Variants in RIMBP2 observed in about 807,000 individuals in gnomAD.
The protein encoded by RIMBP2 is RIMS binding protein 2.
RIMBP2 carries 48 observed loss-of-function variants against 118.6 expected under a neutral mutation model. The ratio of observed to expected loss-of-function variants is 0.40; its 90% CI spans 0.32 to 0.51. The LOEUF (loss-of-function observed/expected upper bound fraction) is 0.51. Ranked by LOEUF, RIMBP2 falls within the 20% of genes least tolerant of loss-of-function variation. The pLI is 0.41. For synonymous variants in RIMBP2, 762 were observed against 742.9 expected (o/e 1.03, Z -0.42); for missense variants, 1,551 against 1,768.3 (o/e 0.88, Z 2.20).
chr12:130,502,299 G>C (rs952394151), intron 4 of RIMBP2, among the ~76,000 whole-genome samples: 1 of 152,144 alleles, frequency 6.6e-6, no homozygotes, highest in African/African-American at 2.4e-5. Flanking sequence ...CCCAGGCTTC[G>C]GGACGGTTTG....
chr12:130,458,104 A>T (rs1246681936), intron 6 of RIMBP2, among the ~76,000 whole-genome samples: 1 of 94,704 alleles, frequency 1.1e-5, no homozygotes, highest in Non-Finnish European at 2.0e-5. Context: ...CTCTTCATCC[A>T]TCCTCTCCCC....
At chr12:130,564,603 C>T (rs1047481154) in intron 2 of RIMBP2, among the ~76,000 whole-genome samples, 1 of 152,202 alleles carries the variant, frequency 6.6e-6, no homozygotes, top group African/African-American at 2.4e-5. Flanking sequence ...CCACTTGCAA[C>T]AGCGTGGATA....
intron 21 of RIMBP2, among the ~76,000 whole-genome samples, 157 bp from the exon 22 acceptor site, chr12:130,399,970 A>G (rs2074374337): frequency 6.6e-6 from 1 of 152,208 alleles, no homozygotes; most frequent in Non-Finnish European, 1.5e-5. Context: ...CAGGGTTTCC[A>G]AATTTTCCTC....
intron 1 of RIMBP2, among the ~76,000 whole-genome samples, chr12:130,695,956 C>G (rs541521301): frequency 6.6e-6 from 1 of 151,778 alleles, no homozygotes; most frequent in Non-Finnish European, 1.5e-5. Flanking sequence ...AATGAAGACC[C>G]CTGGAGGAGG....
chr12:130,497,764 T>C (rs2049329093), intron 4 of RIMBP2, among the ~76,000 whole-genome samples: 1 of 152,244 alleles, frequency 6.6e-6, no homozygotes, highest in Admixed American at 6.5e-5. Flanking sequence ...TTGTTTATTT[T>C]ATCACAATGC....
intron 2 of RIMBP2, among the ~76,000 whole-genome samples, chr12:130,563,353 T>C (rs2056963859): frequency 6.6e-6 from 1 of 152,224 alleles, no homozygotes; most frequent in Non-Finnish European, 1.5e-5. Context: ...AACCTGAGCA[T>C]GAGAAGGCTA....
intron 2 of RIMBP2, among the ~76,000 whole-genome samples, chr12:130,619,946 T>C (rs7964720): frequency 0.94 from 142,982 of 152,248 alleles, 67,808 homozygotes; most frequent in East Asian, 1. Context: ...TGGTGCTCTG[T>C]GCCAGGAAGA....
chr12:130,638,737 C>T (rs768479824), intron 1 of RIMBP2, among the ~76,000 whole-genome samples: 24 of 150,994 alleles, frequency 1.6e-4, no homozygotes, highest in African/African-American at 2.2e-4. Context: ...TAGTACATTG[C>T]GGAAAAGGCA....
intron 4 of RIMBP2, among the ~76,000 whole-genome samples, chr12:130,504,223 C>T (rs1180632710): frequency 6.6e-6 from 1 of 152,162 alleles, no homozygotes; most frequent in African/African-American, 2.4e-5. Flanking sequence ...GGCCCGGTCA[C>T]CAGGCTCTTC....
intron 4 of RIMBP2, among the ~76,000 whole-genome samples, chr12:130,481,563 TG>T (rs1019858854): frequency 2.0e-5 from 3 of 152,170 alleles, no homozygotes; most frequent in African/African-American, 4.8e-5. Flanking sequence ...CACAGACATC[TG>T]GGGGTTTCAC....
At chr12:130,644,593 A>T (rs187845023) in intron 1 of RIMBP2, among the ~76,000 whole-genome samples, 35 of 152,344 alleles carry the variant, frequency 2.3e-4, no homozygotes, top group African/African-American at 8.4e-4. Flanking sequence ...ACCTGCGTCT[A>T]AGCCCAGTGT....
At position 130,399,738 on chromosome 12, in the gene RIMBP2, G is replaced by A; in HGVS notation, c.3841C>T (p.Leu1281Phe). Reference protein sequence around the residue: ...EEVPDDVEVYLSDAPSHYSQD... With the variant: ...EEVPDDVEVYFSDAPSHYSQD... Reference sequence around the variant, plus strand: ...GAGTAGTGGGATGGAGCATCAGAAAGATAGACTTCTACGTCATCAGGCACT... The same window carrying A: ...GAGTAGTGGGATGGAGCATCAGAAAAATAGACTTCTACGTCATCAGGCACT... Residue 1281 changes from leucine to phenylalanine, a missense_variant, in exon 22 of 23, where the codon CTT (leucine) becomes TTT (phenylalanine). By Grantham distance (22) the Leu-to-Phe change is conservative. This residue lies in a region of RIMBP2 where 1,038 missense variants were observed against 1,125.1 expected (regional missense o/e 0.92). Transcript: ENST00000690449. The A allele has an allele frequency of 6.2e-7, 1 of 1,614,190 alleles. No homozygotes were observed. Among genetic ancestry groups the A allele is most frequent in the Non-Finnish European group, 8.5e-7 (1 of 1,180,010 alleles).
At chr12:130,678,651 G>A (rs1486489096) in intron 1 of RIMBP2, among the ~76,000 whole-genome samples, 1 of 152,124 alleles carries the variant, frequency 6.6e-6, no homozygotes, top group Non-Finnish European at 1.5e-5. Flanking sequence ...CAGAATAGTT[G>A]GGACTACAGG....
intron 1 of RIMBP2, among the ~76,000 whole-genome samples, chr12:130,676,893 A>AG (rs2064515726): frequency 1.3e-5 from 2 of 152,072 alleles, no homozygotes; most frequent in African/African-American, 4.8e-5. Context: ...AGGGGACAGG[A>AG]GGGAACCCTT....
chr12:130,574,323 ACAC>A (rs1043436010), intron 2 of RIMBP2, among the ~76,000 whole-genome samples: 8 of 152,024 alleles, frequency 5.3e-5, no homozygotes, highest in African/African-American at 1.9e-4. Context: ...ACCGAGGGGG[ACAC>A]CACACACATG....
At chr12:130,462,611 T>C (rs1236296702) in intron 6 of RIMBP2, among the ~76,000 whole-genome samples, 1 of 152,222 alleles carries the variant, frequency 6.6e-6, no homozygotes, top group East Asian at 1.9e-4. Context: ...GGCACAGTGC[T>C]CAGAGCTGGG....
intron 1 of RIMBP2, among the ~76,000 whole-genome samples, chr12:130,635,701 T>C (rs534093324): frequency 9.2e-5 from 14 of 152,282 alleles, no homozygotes; most frequent in Middle Eastern, 3.4e-3. Flanking sequence ...TATCTCATTG[T>C]GGCACCTGCT....
chr12:130,438,377 G>C lies in RIMBP2; in HGVS notation c.1644C>G (p.Ala548=). The change falls in exon 12 of 23, where the codon GCC becomes GCG. Residue 548 remains alanine (A), a synonymous_variant. Coordinates refer to ENST00000690449, the MANE Select transcript of RIMBP2 (RefSeq NM_001393629.1). Reference sequence around the variant, plus strand: ...AACGAAAACTCACCCTCTGCCCTTTGGCATACACGCCGTAGCCGGTAACGT... The same window carrying C: ...AACGAAAACTCACCCTCTGCCCTTTCGCATACACGCCGTAGCCGGTAACGT... ...GANVTGYGVY[A]KGQRVAEVIF... 2 of 1,123,726 alleles carry C rather than the reference G, an allele frequency of 1.8e-6. No individual in the cohort carries two copies. Among genetic ancestry groups the C allele is most frequent in the South Asian group, 1.2e-5 (1 of 81,670 alleles). The allele number at this position is 1,123,726 out of a possible 1,614,324, so 69.6% of individuals were successfully genotyped here. A position where few individuals can be genotyped will look rare whatever the true frequency, so the allele number is the denominator to read the frequency against.
chr12:130,676,352 C>T (rs887550737), intron 1 of RIMBP2, among the ~76,000 whole-genome samples: 12 of 149,322 alleles, frequency 8.0e-5, no homozygotes, highest in South Asian at 2.1e-4. Context: ...GGGCCAGGCA[C>T]GGTTGCTCAC....
Sources: gnomAD v4.1 joint callset for allele counts (sites outside exome capture counted in the v4.1 genomes callset) on GRCh38, gnomAD v4.1.1 for gene constraint, gnomAD v4.1.1 regional missense constraint, MANE v1.5 for transcripts, NCBI Gene and HGNC (gene_info 2026-07-23, HGNC 2026-07-21) for gene names.